The following WLS variants were observed in gnomAD, a reference collection of about 807,000 sequenced individuals.
WLS encodes protein wntless homolog.
WLS carries 23 observed loss-of-function variants against 62.8 expected under a neutral mutation model. The ratio of observed to expected loss-of-function variants is 0.37; its 90% CI spans 0.26 to 0.52. WLS has a LOEUF of 0.52. Among genes scored for constraint, WLS ranks in the 20% least tolerant of loss-of-function variants. The pLI, the probability that WLS is intolerant of heterozygous loss-of-function variation, is 0.92. For synonymous variants in WLS, 246 were observed against 244.1 expected, an observed-to-expected ratio of 1.01 and a Z score of -0.07; for missense variants, 615 against 697.3, an observed-to-expected ratio of 0.88 and a Z score of 1.33.
chr1:68,218,677 G>T (rs1302597740), intron 1 of WLS, among the ~76,000 whole-genome samples: 2 of 152,058 alleles, frequency 1.3e-5, no homozygotes, highest in Admixed American at 1.3e-4. Context: ...GGCTCTACTT[G>T]CAAGTCACAG....
At chr1:68,100,393 C>T (rs1646061644) in intron 11 of WLS, among the ~76,000 whole-genome samples, 4 of 152,126 alleles carry the variant, frequency 2.6e-5, no homozygotes, top group Non-Finnish European at 5.9e-5. Context: ...TGTTCTATAA[C>T]ACCCCAAACT....
At chr1:68,215,246 C>T (rs989842) in intron 1 of WLS, among the ~76,000 whole-genome samples, 63,092 of 151,992 alleles carry the variant, frequency 0.42, 14,973 homozygotes, top group Non-Finnish European at 0.56. Flanking sequence ...TTCCTAATCT[C>T]CAAGAAGTTG....
In WLS at chr1:68,160,306, CTTTG is replaced by C. The variant is rs147687777; in HGVS notation, c.380-1063_380-1060del. Among the ~76,000 whole-genome samples the C allele has an allele frequency of 8.6e-3, 1,304 of 151,972 alleles. 18 individuals carry two copies. Among genetic ancestry groups the C allele is most frequent in the African/African-American group, 0.03 (1,261 of 41,434 alleles). On this transcript the variant is annotated intron_variant, in intron 2 of 11. Coordinates refer to ENST00000262348, the MANE Select transcript of WLS (RefSeq NM_024911.7). ...AATCAGAATTCTAAAAGTTGAGCAACTTTGTTTTTTTTTAATTGACTTAGCTCTA... is the reference window on the plus strand; with the variant it reads ...AATCAGAATTCTAAAAGTTGAGCAACTTTTTTTTTAATTGACTTAGCTCTA...
rs1242230896 is a variant in WLS, at chr1:68,106,748, GTGTA to G, written c.1511-7999_1511-7996del. Among the ~76,000 whole-genome samples, 1,308 of 141,422 alleles carry G rather than the reference GTGTA, an allele frequency of 9.2e-3. 16 individuals are homozygous for G. The highest frequency in any genetic ancestry group is 0.039 in the African/African-American group (1,261 of 32,284). The allele number at this position is 141,422 out of a possible 152,430, so 92.8% of individuals were successfully genotyped here. On this transcript the variant is annotated intron_variant, in intron 11 of 11. Transcript: ENST00000354777. ...TGTGTGTGTGTGTGTGTGTGTGTGT[GTGTA>G]TGTGTGGGTAGGTGGGTGGGTGAGT...
Position 68,150,471 on chromosome 1 carries a change from A to G in WLS, c.804-115T>C, listed in dbSNP as rs1160405180. ...GATGTTACTTATTGGGTCTGAAGCC[A>G]TATGATCAATTTCTTCTGCACAGAG... On this transcript the variant is annotated intron_variant, in intron 5 of 11. Transcript: ENST00000262348. 2.5e-5 allele frequency: 35 copies of G among 1,382,318 alleles called. No homozygotes were observed. In the East Asian group the frequency reaches 7.7e-4, roughly 30 times the overall value. The allele number at this position is 1,382,318 out of a possible 1,614,324, so 85.6% of individuals were successfully genotyped here.
chr1:68,214,280 TTTAA>T (rs1261266549), intron 1 of WLS, among the ~76,000 whole-genome samples: 5 of 152,284 alleles, frequency 3.3e-5, no homozygotes, highest in African/African-American at 1.2e-4. Context: ...TATTTTATTC[TTTAA>T]TTGTTACAGA....
chr1:68,150,929 T>A (rs531621145), intron 5 of WLS, among the ~76,000 whole-genome samples: 2 of 152,342 alleles, frequency 1.3e-5, no homozygotes, highest in African/African-American at 4.8e-5. Flanking sequence ...ATTCATACTT[T>A]TTTCCATCCC....
intron 2 of WLS, 150 bp downstream of exon 2, chr1:68,193,805 G>T: frequency 9.8e-7 from 1 of 1,024,254 alleles, no homozygotes; most frequent in East Asian, 2.6e-5. Context: ...GGTTAATACA[G>T]GTAAAGTACA....
chr1:68,130,455 T>G (rs1646502388), intron 11 of WLS, among the ~76,000 whole-genome samples: 1 of 152,170 alleles, frequency 6.6e-6, no homozygotes, highest in South Asian at 2.1e-4. Flanking sequence ...TGTGTCTACC[T>G]CCAAAGCTTA....
intron 11 of WLS, among the ~76,000 whole-genome samples, chr1:68,128,459 CAA>C (rs747995632): frequency 1.3e-5 from 2 of 152,220 alleles, no homozygotes; most frequent in South Asian, 2.1e-4. Context: ...ATCAAAATTT[CAA>C]AGAGTCCTGA....
intron 1 of WLS, among the ~76,000 whole-genome samples, chr1:68,206,313 G>T (rs1649278022): frequency 6.6e-6 from 1 of 152,184 alleles, no homozygotes; most frequent in South Asian, 2.1e-4. Context: ...TGTGGAGGAG[G>T]AATTAGATTT....
At chr1:68,203,614 C>T (rs540022759) in intron 1 of WLS, among the ~76,000 whole-genome samples, 2 of 152,268 alleles carry the variant, frequency 1.3e-5, no homozygotes, top group South Asian at 2.1e-4. Flanking sequence ...CAGTTTTTAC[C>T]GGGTCTTGGT....
chr1:68,158,981 G>A (rs764584414), intron 3 of WLS, 142 bp downstream of exon 3: 10 of 1,090,048 alleles, frequency 9.2e-6, no homozygotes, highest in Non-Finnish European at 1.3e-5. Context: ...GGAGAGAAGA[G>A]GAAATAAAAT....
At chr1:68,212,523 A>G (rs536013019) in intron 1 of WLS, among the ~76,000 whole-genome samples, 157 of 152,332 alleles carry the variant, frequency 1.0e-3, no homozygotes, top group African/African-American at 3.7e-3. Flanking sequence ...TTAGATGAAG[A>G]TTTTAGTTCC....
intron 2 of WLS, chr1:68,183,439 T>C (rs1647710689): frequency 9.2e-6 from 4 of 433,688 alleles, no homozygotes; most frequent in Non-Finnish European, 1.9e-5. Context: ...GGATAGTTCT[T>C]ATAGTGTATA....
intron 1 of WLS, among the ~76,000 whole-genome samples, chr1:68,222,483 C>T (rs143003160): frequency 1.0e-3 from 156 of 152,174 alleles, no homozygotes; most frequent in African/African-American, 3.7e-3. Context: ...ATCAATCGAG[C>T]TATAAGAAGC....
At chr1:68,225,693 T>A (rs1650113779) in intron 1 of WLS, among the ~76,000 whole-genome samples, 1 of 152,170 alleles carries the variant, frequency 6.6e-6, no homozygotes, top group Non-Finnish European at 1.5e-5. Context: ...CAAACAAAAC[T>A]TCTCCGCATG....
chr1:68,207,533 C>T (rs1649330114), intron 1 of WLS, among the ~76,000 whole-genome samples: 1 of 152,196 alleles, frequency 6.6e-6, no homozygotes, highest in Non-Finnish European at 1.5e-5. Flanking sequence ...TTACCCTCTA[C>T]AAAAAGTATG....
rs1455597675 is a variant in WLS, at chr1:68,126,142, A to C, written c.*84T>G. On this transcript the variant is annotated 3_prime_UTR_variant, in exon 12 of 12. Transcript: ENST00000262348. Reference sequence around the variant, plus strand: ...AGAGCCATGAGGCATTCATTTGTACATTGAGCTCTCTCTGGCATGCTCCCC... The same window carrying C: ...AGAGCCATGAGGCATTCATTTGTACCTTGAGCTCTCTCTGGCATGCTCCCC... 6.4e-7 allele frequency: 1 copy of C among 1,560,214 alleles called. No individual in the cohort carries two copies. The highest frequency in any genetic ancestry group is 1.2e-5 in the South Asian group (1 of 82,418).
Sources: allele counts gnomAD v4.1 joint callset (sites outside exome capture counted in the v4.1 genomes callset), GRCh38; gene constraint gnomAD v4.1.1; transcripts MANE v1.5; gene names NCBI Gene and HGNC (gene_info 2026-07-23, HGNC 2026-07-21).